Variants in ROCK1 observed in about 807,000 individuals in gnomAD.
ROCK1 encodes Rho associated coiled-coil containing protein kinase 1.
A neutral mutation model predicts 196.8 loss-of-function variants in ROCK1; 36 were observed. The ratio of observed to expected loss-of-function variants is 0.18; its 90% confidence interval spans 0.14 to 0.24. The LOEUF (loss-of-function observed/expected upper bound fraction) is 0.24. Ranked by LOEUF, ROCK1 falls within the 10% of genes least tolerant of loss-of-function variation. The pLI, the probability that ROCK1 is intolerant of heterozygous loss-of-function variation, is 1.00. For synonymous variants in ROCK1, 443 were observed against 515.9 expected, an observed-to-expected ratio of 0.86 and a Z score of 1.91; for missense variants, 920 against 1,562.0, an observed-to-expected ratio of 0.59 and a Z score of 6.93.
At chr18:21,109,932 T>C (rs2036735435) in intron 1 of ROCK1, among the ~76,000 whole-genome samples, 1 of 152,148 alleles carries the variant, frequency 6.6e-6, no homozygotes. Context: ...AACCTTATTT[T>C]AGAGATTATG....
chr18:21,097,786 A>G (rs1423244748), intron 1 of ROCK1, among the ~76,000 whole-genome samples: 2 of 152,254 alleles, frequency 1.3e-5, no homozygotes, highest in Admixed American at 1.3e-4. Context: ...TAAGAGTTCT[A>G]TGAGGGTCTA....
intron 21 of ROCK1, among the ~76,000 whole-genome samples, chr18:20,980,830 C>A (rs1315600089): frequency 6.7e-6 from 1 of 149,604 alleles, no homozygotes; most frequent in Non-Finnish European, 1.5e-5. Context: ...GCAGGAGAAT[C>A]GCTTGAACCC....
intron 1 of ROCK1, among the ~76,000 whole-genome samples, chr18:21,091,980 A>G (rs1474639640): frequency 6.6e-6 from 1 of 152,116 alleles, no homozygotes; most frequent in African/African-American, 2.4e-5. Flanking sequence ...ACGCTGTCTC[A>G]AAAAATAAAT....
rs752596576 is a variant in ROCK1, at chr18:21,070,591, T to C, written c.116A>G (p.Tyr39Cys). The C allele has an allele frequency of 1.2e-6, 2 of 1,607,946 alleles. No individual in the cohort carries two copies. The highest frequency in any genetic ancestry group is 2.2e-5 in the South Asian group (2 of 89,994). Residue 39 changes from tyrosine to cysteine, a missense_variant, in exon 2 of 33, where the codon TAT becomes TGT. This residue lies in a region of ROCK1 where 234 missense variants were observed against 460.7 expected (regional missense o/e 0.51). Coordinates refer to ENST00000399799, the MANE Select transcript of ROCK1 (RefSeq NM_005406.3). ...CLLDGLDALV[Y>C]DLDFPALRKN... ...TCTTAAGGCAGGAAAATCCAAATCA[T>C]ATACCAAAGCATCCAATCCATCCTA... is the stretch of plus-strand genomic sequence containing the variant.
chr18:20,978,504 C>T (rs1057473413), intron 22 of ROCK1, among the ~76,000 whole-genome samples: 1 of 152,142 alleles, frequency 6.6e-6, no homozygotes, highest in South Asian at 2.1e-4. Context: ...ACCTGAAATA[C>T]GACTAGTACA....
intron 11 of ROCK1, among the ~76,000 whole-genome samples, chr18:21,021,312 G>A (rs147801930): frequency 7.2e-5 from 11 of 152,214 alleles, no homozygotes; most frequent in African/African-American, 2.6e-4. Context: ...CAAGCAAGCT[G>A]GACATGAATG....
intron 3 of ROCK1, among the ~76,000 whole-genome samples, 192 bp from the exon 4 acceptor site, chr18:21,049,421 A>G (rs2036186532): frequency 6.6e-6 from 1 of 152,188 alleles, no homozygotes; most frequent in African/African-American, 2.4e-5. Context: ...ATCAGAAGTA[A>G]TGTTTTAAAA....
In ROCK1 at chr18:21,045,899, G is replaced by GTTTCTTTTTT. The variant is rs746861081; in HGVS notation, c.415-433_415-432insAAAAAAGAAA. On this transcript the variant is annotated intron_variant, in intron 4 of 32. Transcript: ENST00000399799. ...ATAAATTTGGCTTACAGTTTCAGCT[G>GTTTCTTTTTT]TTTTTTTTTTTTTTTTTTTTTTTTT... is the stretch of plus-strand genomic sequence containing the variant. Among the ~76,000 whole-genome samples, 11 of 62,468 alleles carry GTTTCTTTTTT rather than the reference G, an allele frequency of 1.8e-4. 2 individuals are homozygous for GTTTCTTTTTT. The highest frequency in any genetic ancestry group is 6.3e-4 in the Admixed American group (3 of 4,798). The allele number at this position is 62,468 out of a possible 152,430, so 41.0% of individuals were successfully genotyped here.
At chr18:20,979,097 T>C (rs1163588071) in intron 22 of ROCK1, among the ~76,000 whole-genome samples, 1 of 152,204 alleles carries the variant, frequency 6.6e-6, no homozygotes, top group African/African-American at 2.4e-5. Context: ...AATAGCTTTA[T>C]AAGGTTTTCT....
chr18:20,988,820 T>TA (rs1491572640), intron 18 of ROCK1, among the ~76,000 whole-genome samples: 1 of 151,334 alleles, frequency 6.6e-6, no homozygotes, highest in Non-Finnish European at 1.5e-5. Context: ...TGTATTATTA[T>TA]TTTTTTTTGT....
chr18:21,040,208 T>C (rs2036093446), intron 8 of ROCK1, among the ~76,000 whole-genome samples: 1 of 152,192 alleles, frequency 6.6e-6, no homozygotes, highest in South Asian at 2.1e-4. Flanking sequence ...GTGTGTGTTA[T>C]TTTTTTCTTA....
At chr18:20,969,942 T>C (rs1478250610) in intron 23 of ROCK1, 1 of 155,418 alleles carries the variant, frequency 6.4e-6, no homozygotes, top group African/African-American at 2.4e-5. Context: ...ATAATGGATT[T>C]ATATATTATC....
At chr18:21,103,693 C>G (rs975875735) in intron 1 of ROCK1, among the ~76,000 whole-genome samples, 7 of 152,068 alleles carry the variant, frequency 4.6e-5, no homozygotes, top group African/African-American at 1.7e-4. Context: ...GATACTTGCA[C>G]CTTGGCCTCC....
chr18:20,982,829 C>T lies in ROCK1; in HGVS notation c.2493G>A (p.Gln831=). The change falls in exon 21 of 33, where the codon CAG becomes CAA. Residue 831 remains glutamine, a synonymous_variant. Transcript: ENST00000399799. ...GCATCTGTCCTTCATTTCCTCTATA[C>T]TGTCTTCAGATGAAAAGAAAAACAA... ...LEFELAQLTK[Q]YRGNEGQMRE... is the part of the protein sequence containing the mutation. 6.6e-7 allele frequency: 1 copy of T among 1,511,366 alleles called. No individual in the cohort carries two copies. Among genetic ancestry groups the T allele is most frequent in the Non-Finnish European group, 9.2e-7 (1 of 1,090,790 alleles). The allele number at this position is 1,511,366 out of a possible 1,614,324, so 93.6% of individuals were successfully genotyped here.
At chr18:20,991,392 C>G (rs2143408224) in intron 17 of ROCK1, 66 bp from the exon 18 acceptor site, 1 of 1,068,590 alleles carries the variant, frequency 9.4e-7, no homozygotes, top group East Asian at 2.6e-5. Flanking sequence ...GTAAATCTTA[C>G]ATTTAATATT....
intron 12 of ROCK1, among the ~76,000 whole-genome samples, chr18:21,019,196 C>T (rs1245016860): frequency 6.6e-6 from 1 of 152,148 alleles, no homozygotes; most frequent in Non-Finnish European, 1.5e-5. Flanking sequence ...CTCTGTCGCC[C>T]AGGCTGGAGT....
intron 1 of ROCK1, among the ~76,000 whole-genome samples, chr18:21,077,570 T>C (rs925600083): frequency 6.6e-6 from 1 of 151,176 alleles, no homozygotes; most frequent in African/African-American, 2.4e-5. Context: ...ACACAACACA[T>C]ACAATAGACC....
At chr18:21,072,359 T>C (rs763771425) in intron 1 of ROCK1, among the ~76,000 whole-genome samples, 4 of 152,202 alleles carry the variant, frequency 2.6e-5, no homozygotes, top group African/African-American at 9.7e-5. Context: ...TTGGCAAGAA[T>C]GTATTCTTCT....
Position 21,042,248 on chromosome 18 carries a change from TAAAG to T in ROCK1, c.821-17_821-14del, listed in dbSNP as rs1310346192. 16 of 1,551,118 alleles carry T rather than the reference TAAAG, an allele frequency of 1.0e-5. No individual in the cohort carries two copies. The highest frequency in any genetic ancestry group is 1.4e-5 in the African/African-American group (1 of 71,428). On this transcript the variant is annotated splice_polypyrimidine_tract_variant and intron_variant, in intron 7 of 32. Transcript: ENST00000399799. ...AAAGGTGTATCACCTGAAAAATTGATAAAGAAAACAAAAGCAAAATGAAATACAT... is the reference window on the plus strand; with the variant it reads ...AAAGGTGTATCACCTGAAAAATTGATAAAACAAAAGCAAAATGAAATACAT...
Sources: allele counts gnomAD v4.1 joint callset (sites outside exome capture counted in the v4.1 genomes callset), GRCh38; gene constraint gnomAD v4.1.1; regional missense constraint gnomAD v4.1.1; transcripts MANE v1.5; gene names NCBI Gene and HGNC (gene_info 2026-07-23, HGNC 2026-07-21).